The following EPHA6 variants were observed in gnomAD, a reference collection of about 807,000 sequenced individuals.
The protein encoded by EPHA6 is EPH receptor A6.
EPHA6 carries 50 observed loss-of-function variants against 112.0 expected under a neutral mutation model. The ratio of observed to expected loss-of-function variants is 0.45; its 90% CI spans 0.36 to 0.56. The LOEUF is 0.56. Ranked by LOEUF, EPHA6 falls within the 20% of genes least tolerant of loss-of-function variation. The pLI is 0.00. For missense variants in EPHA6, 1,280 were observed against 1,417.4 expected (o/e 0.90, Z 1.56); for synonymous variants, 529 against 490.7 (o/e 1.08, Z -1.03).
rs191490855 is a variant in EPHA6 at position 97,224,594 on chromosome 3, T to C, written c.1115-1670T>C. The stretch of plus-strand genomic sequence containing the variant: ...AAGAAGAAAACAATATGCTTATAAT[T>C]CTTCTTTATGTGTCTTATAGGTTCT... On this transcript the variant is annotated intron_variant, in intron 3 of 17. Transcript: ENST00000389672. Among the ~76,000 whole-genome samples, 910 of 152,292 alleles carry C rather than the reference T, an allele frequency of 6.0e-3. 3 individuals are homozygous for C. Among genetic ancestry groups the C allele is most frequent in the African/African-American group, 0.021 (853 of 41,584 alleles).
At chr3:97,545,507 G>T (rs2092931537) in intron 11 of EPHA6, among the ~76,000 whole-genome samples, 1 of 152,168 alleles carries the variant, frequency 6.6e-6, no homozygotes, top group Non-Finnish European at 1.5e-5. Flanking sequence ...TTTTGGAATA[G>T]GTGTCGTGTG....
intron 5 of EPHA6, among the ~76,000 whole-genome samples, chr3:97,399,866 A>G (rs559905893): frequency 6.6e-6 from 1 of 151,400 alleles, no homozygotes; most frequent in Non-Finnish European, 1.5e-5. Flanking sequence ...TAGTTTGCAA[A>G]TATCTTCTCT....
chr3:97,268,488 T>C (rs1468076386), intron 5 of EPHA6, among the ~76,000 whole-genome samples: 3 of 152,178 alleles, frequency 2.0e-5, no homozygotes, highest in Non-Finnish European at 4.4e-5. Flanking sequence ...AAGTGAGTTA[T>C]AAAACAATAT....
chr3:97,434,521 T>C (rs1046133392), intron 6 of EPHA6, among the ~76,000 whole-genome samples: 12 of 152,128 alleles, frequency 7.9e-5, no homozygotes, highest in Non-Finnish European at 1.8e-4. Flanking sequence ...TTAAGTTTTG[T>C]GTGTGAAGGC....
At chr3:97,307,304 C>G (rs759466279) in intron 5 of EPHA6, among the ~76,000 whole-genome samples, 3 of 151,694 alleles carry the variant, frequency 2.0e-5, no homozygotes, top group Non-Finnish European at 2.9e-5. Context: ...GAGCTGGGGT[C>G]AGATGCCCCA....
At chr3:97,688,277 T>C (rs1452869536) in intron 14 of EPHA6, among the ~76,000 whole-genome samples, 3 of 152,166 alleles carry the variant, frequency 2.0e-5, no homozygotes, top group Non-Finnish European at 4.4e-5. Context: ...CTACTTCTGC[T>C]AGTCTTTCAT....
chr3:97,658,713 C>T (rs2094151456), intron 14 of EPHA6, among the ~76,000 whole-genome samples: 1 of 151,876 alleles, frequency 6.6e-6, no homozygotes, highest in Non-Finnish European at 1.5e-5. Flanking sequence ...TCATATTCCA[C>T]ATTCAACATT....
intron 5 of EPHA6, among the ~76,000 whole-genome samples, chr3:97,391,576 A>T (rs1049621944): frequency 6.6e-6 from 1 of 152,060 alleles, no homozygotes; most frequent in Admixed American, 6.6e-5. Context: ...CATAGGAAGT[A>T]GAAAAGTGCG....
intron 3 of EPHA6, among the ~76,000 whole-genome samples, chr3:96,993,367 C>T (rs943453723): frequency 6.6e-6 from 1 of 151,452 alleles, no homozygotes; most frequent in Admixed American, 6.6e-5. Context: ...CGCGATCTTG[C>T]CGCACTGCAA....
At chr3:96,942,740 A>C (rs2041040487) in intron 2 of EPHA6, among the ~76,000 whole-genome samples, 1 of 152,224 alleles carries the variant, frequency 6.6e-6, no homozygotes, top group Non-Finnish European at 1.5e-5. Context: ...AGCTGTTCCT[A>C]TTCGGCCATC....
chr3:97,393,713 C>T (rs2086546387), intron 5 of EPHA6, among the ~76,000 whole-genome samples: 1 of 151,716 alleles, frequency 6.6e-6, no homozygotes. Flanking sequence ...ACTCATTGAC[C>T]AACCTCTCCC....
chr3:97,405,322 A>G (rs1250273086), intron 6 of EPHA6, 48 bp downstream of exon 6: 4 of 1,483,804 alleles, frequency 2.7e-6, no homozygotes, highest in Admixed American at 1.9e-5. Context: ...ATATGCATAT[A>G]TATGTATATA....
chr3:97,226,244 G>GTT lies in EPHA6; in HGVS notation c.1115-14_1115-13dup. 1 of 1,578,700 alleles carries GTT rather than the reference G, an allele frequency of 6.3e-7. No homozygotes were observed. The highest frequency in any genetic ancestry group is 8.6e-7 in the Non-Finnish European group (1 of 1,165,820). On this transcript the variant is annotated intron_variant, in intron 3 of 17. Transcript: ENST00000389672. ...TCCTAGCAATAATAACTAAAAAAGT[G>GTT]TTTTTTTCTCTTTTTACAGCTTGCA...
chr3:97,144,336 A>C (rs1312958857), intron 3 of EPHA6, among the ~76,000 whole-genome samples: 1 of 151,746 alleles, frequency 6.6e-6, no homozygotes, highest in South Asian at 2.1e-4. Context: ...AAATTTATTT[A>C]TATTTACAAC....
In EPHA6 at chr3:96,941,895, G is replaced by A. The variant is rs182154672; in HGVS notation, c.451-45435G>A. Among the ~76,000 whole-genome samples the A allele has an allele frequency of 9.0e-4, 130 of 143,742 alleles. No individual in the cohort carries two copies. In the East Asian group the frequency reaches 0.014, roughly 16 times the overall value. 94.3% of individuals were successfully genotyped at this position (143,742 alleles called of 152,430 possible). A position where few individuals can be genotyped will look rare whatever the true frequency, so the allele number is the denominator to read the frequency against. On this transcript the variant is annotated intron_variant, in intron 2 of 17. Transcript: ENST00000389672. Reference sequence around the variant, plus strand: ...CCCTGTTTGCCTGGGTACCAGCAGCGGTGGCTGTAGAACAGCGGTGGCTGT... The same window carrying A: ...CCCTGTTTGCCTGGGTACCAGCAGCAGTGGCTGTAGAACAGCGGTGGCTGT...
intron 3 of EPHA6, among the ~76,000 whole-genome samples, chr3:97,144,936 C>T (rs2076001960): frequency 6.6e-6 from 1 of 151,268 alleles, no homozygotes; most frequent in Non-Finnish European, 1.5e-5. Context: ...TGAATTTCTT[C>T]TGCCTTTTTC....
intron 14 of EPHA6, among the ~76,000 whole-genome samples, chr3:97,653,926 A>G (rs571537957): frequency 6.6e-6 from 1 of 152,100 alleles, no homozygotes; most frequent in Non-Finnish European, 1.5e-5. Context: ...ATTTACATGT[A>G]GAATCTAAAA....
intron 10 of EPHA6, among the ~76,000 whole-genome samples, chr3:97,512,637 T>C (rs923147263): frequency 5.3e-5 from 8 of 152,148 alleles, no homozygotes; most frequent in African/African-American, 1.9e-4. Flanking sequence ...CTATCTCAGC[T>C]CACTGCAACC....
intron 8 of EPHA6, 35 bp downstream of exon 8, chr3:97,475,495 A>G (rs571584790): frequency 1.4e-6 from 2 of 1,404,812 alleles, no homozygotes; most frequent in East Asian, 2.3e-5. Flanking sequence ...TCCGAGATTT[A>G]TGAATAACCA....
Sources: gnomAD v4.1 joint callset for allele counts (sites outside exome capture counted in the v4.1 genomes callset) on GRCh38, gnomAD v4.1.1 for gene constraint, MANE v1.5 for transcripts, NCBI Gene and HGNC (gene_info 2026-07-23, HGNC 2026-07-21) for gene names.